Variants in HIP1 observed in about 807,000 individuals in gnomAD.
HIP1 encodes huntingtin interacting protein 1.
Under a neutral mutation model 147.6 loss-of-function variants are expected in HIP1, and 65 were observed. The ratio of observed to expected loss-of-function variants is 0.44; its 90% CI spans 0.36 to 0.54. The LOEUF (loss-of-function observed/expected upper bound fraction) is 0.54, where lower values mean the gene tolerates loss of function less well. Ranked by LOEUF, HIP1 falls within the 20% of genes least tolerant of loss-of-function variation. The probability of loss-of-function intolerance (pLI) is 0.00; values close to 1 mark genes in which losing one functional copy is unlikely to be tolerated. For synonymous variants in HIP1, 479 were observed against 504.0 expected, an observed-to-expected ratio of 0.95 and a Z score of 0.67; for missense variants, 1,061 against 1,299.6, an observed-to-expected ratio of 0.82 and a Z score of 2.82.
chr7:75,690,270 T>TCACA (rs66973060), intron 1 of HIP1, among the ~76,000 whole-genome samples: 8 of 149,652 alleles, frequency 5.3e-5, no homozygotes, highest in South Asian at 2.1e-4. Context: ...TGAGACTTTG[T>TCACA]CACACACACA....
intron 1 of HIP1, among the ~76,000 whole-genome samples, chr7:75,616,601 G>GAGGAGGAGGAGA (rs1237580709): frequency 1.2e-4 from 12 of 99,888 alleles, no homozygotes; most frequent in Non-Finnish European, 2.3e-4. Flanking sequence ...GGAGGAGGAG[G>GAGGAGGAGGAGA]AGGAGGAGGA....
chr7:75,738,375 C>T (rs1554523924), intron 1 of HIP1, among the ~76,000 whole-genome samples: 2 of 152,016 alleles, frequency 1.3e-5, no homozygotes, highest in Non-Finnish European at 2.9e-5. Context: ...AAGAGAGGTC[C>T]CCTCACCCTT....
At chr7:75,612,034 C>G (rs1485006078) in intron 1 of HIP1, among the ~76,000 whole-genome samples, 1 of 152,244 alleles carries the variant, frequency 6.6e-6, no homozygotes, top group African/African-American at 2.4e-5. Context: ...AGGTCACATA[C>G]ACACAGCTCT....
chr7:75,685,090 C>CA (rs1206648755), intron 1 of HIP1, among the ~76,000 whole-genome samples: 6 of 150,110 alleles, frequency 4.0e-5, no homozygotes, highest in Admixed American at 1.3e-4. Flanking sequence ...GACTCCGTCT[C>CA]AAAAAAAATA....
chr7:75,652,012 GAA>G (rs35304169), intron 1 of HIP1, among the ~76,000 whole-genome samples: 4 of 134,238 alleles, frequency 3.0e-5, no homozygotes, highest in East Asian at 2.4e-4. Context: ...CTGTCTCAAA[GAA>G]AAAAAAAAAG....
At position 75,568,509 on chromosome 7, in the gene HIP1, G is replaced by A. The variant is rs1287946618; in HGVS notation, c.746-253C>T. On this transcript the variant is annotated intron_variant, in intron 8 of 30. Coordinates refer to ENST00000336926, the MANE Select transcript of HIP1 (RefSeq NM_005338.7). The surrounding 1 kb of genome is among the most constrained non-coding windows in gnomAD (Gnocchi z 4.1). ...GTTCCTGAAGGACAAGCCATGCCGGGCACAATAGGGTGGAAATTGTGTCCT... is the reference window on the plus strand; with the variant it reads ...GTTCCTGAAGGACAAGCCATGCCGGACACAATAGGGTGGAAATTGTGTCCT... Among the ~76,000 whole-genome samples the A allele has an allele frequency of 1.3e-5, 2 of 152,224 alleles. No homozygotes were observed. The highest frequency in any genetic ancestry group is 4.8e-5 in the African/African-American group (2 of 41,458).
chr7:75,612,312 C>A (rs1554505150), intron 1 of HIP1, among the ~76,000 whole-genome samples: 2 of 152,142 alleles, frequency 1.3e-5, no homozygotes, highest in Non-Finnish European at 1.5e-5. Context: ...GAGCTCCAGA[C>A]CAGCCTGGCC....
At chr7:75,720,851 C>G (rs1226083759) in intron 1 of HIP1, among the ~76,000 whole-genome samples, 6 of 151,910 alleles carry the variant, frequency 3.9e-5, no homozygotes, top group African/African-American at 1.5e-4. Context: ...CCAGCCTCAC[C>G]AACATGGAGA....
At chr7:75,561,838 A>T (rs781818604) in intron 12 of HIP1, among the ~76,000 whole-genome samples, 6 of 151,934 alleles carry the variant, frequency 3.9e-5, no homozygotes, top group South Asian at 2.1e-4. Flanking sequence ...TAAAGATGGG[A>T]TCTTGCTATG....
chr7:75,580,832 C>G (rs1449912216), intron 7 of HIP1, among the ~76,000 whole-genome samples: 1 of 152,110 alleles, frequency 6.6e-6, no homozygotes, highest in Non-Finnish European at 1.5e-5. Context: ...ACCTCGACCT[C>G]CTGGGTTCAA....
chr7:75,653,185 G>C (rs1489783523), intron 1 of HIP1, among the ~76,000 whole-genome samples: 1 of 152,074 alleles, frequency 6.6e-6, no homozygotes, highest in African/African-American at 2.4e-5. Flanking sequence ...TTAAGCAGAG[G>C]AATTCCTATT....
chr7:75,565,855 C>T (rs1340415147), intron 9 of HIP1, among the ~76,000 whole-genome samples: 1 of 146,142 alleles, frequency 6.8e-6, no homozygotes, highest in Non-Finnish European at 1.5e-5. Flanking sequence ...CCTCAGCCTC[C>T]TGAGTAGCTG....
intron 7 of HIP1, among the ~76,000 whole-genome samples, chr7:75,576,388 T>C (rs1205015572): frequency 6.6e-6 from 1 of 152,140 alleles, no homozygotes; most frequent in African/African-American, 2.4e-5. Context: ...TGGTCTGCTG[T>C]ATGTTGGGAT....
chr7:75,548,823 A>ATG, intron 23 of HIP1, 68 bp downstream of exon 23: 1 of 1,157,706 alleles, frequency 8.6e-7, no homozygotes, highest in Non-Finnish European at 1.3e-6. Context: ...TGACATGTTT[A>ATG]ATGAGCAGTG....
At chr7:75,700,197 T>C (rs1800779164) in intron 1 of HIP1, among the ~76,000 whole-genome samples, 1 of 152,114 alleles carries the variant, frequency 6.6e-6, no homozygotes, top group Admixed American at 6.6e-5. Flanking sequence ...CATGCTGGCT[T>C]CCTGGGCTCA....
rs552797331 is a variant in HIP1 at position 75,646,249 on chromosome 7, T to G, written c.121-47002A>C. ...CACCCGCCACCACGCCCGGCTAATT[T>G]TGTGTGTGTGTATTTTTAGTAGAGA... On this transcript the variant is annotated intron_variant, in intron 1 of 30. Transcript: ENST00000336926. Among the ~76,000 whole-genome samples the G allele has an allele frequency of 3.9e-5, 6 of 152,098 alleles. No homozygotes were observed. The South Asian group carries it at 1.3e-3, about 32-fold the overall frequency.
At chr7:75,693,607 G>T (rs1442440156) in intron 1 of HIP1, among the ~76,000 whole-genome samples, 2 of 152,056 alleles carry the variant, frequency 1.3e-5, no homozygotes, top group African/African-American at 4.8e-5. Context: ...CAGCGCGGTT[G>T]CTCACATGTG....
chr7:75,734,891 C>G (rs1228958429), intron 1 of HIP1, among the ~76,000 whole-genome samples: 1 of 152,220 alleles, frequency 6.6e-6, no homozygotes, highest in Non-Finnish European at 1.5e-5. Context: ...CTCCCAACCC[C>G]AAAGCCTGTG....
chr7:75,551,189 A>ATTTTTTTTTTTT (rs55679922), intron 22 of HIP1, among the ~76,000 whole-genome samples: 3,334 of 77,336 alleles, frequency 0.043, 936 homozygotes, highest in African/African-American at 0.13. Context: ...GTAGATGATA[A>ATTTTTTTTTTTT]TTTTTTTTTT....
Sources: allele counts gnomAD v4.1 joint callset (sites outside exome capture counted in the v4.1 genomes callset), GRCh38; gene constraint gnomAD v4.1.1; non-coding constraint Gnocchi (gnomAD v3.1); transcripts MANE v1.5; gene names NCBI Gene and HGNC (gene_info 2026-07-23, HGNC 2026-07-21).